The following DGAT2L6 variants were observed in gnomAD, a reference collection of about 807,000 sequenced individuals.
The protein encoded by DGAT2L6 is diacylglycerol O-acyltransferase 2-like protein 6.
In DGAT2L6, 22 loss-of-function variants were observed where a neutral mutation model predicts 25.5. The ratio of observed to expected loss-of-function variants is 0.86; its 90% confidence interval spans 0.62 to 1.23. The LOEUF (loss-of-function observed/expected upper bound fraction) is 1.23. DGAT2L6 is among the 50% of genes most tolerant of loss of function. The pLI is 0.00. For missense variants in DGAT2L6, 287 were observed against 253.2 expected, an observed-to-expected ratio of 1.13 and a Z score of -0.91; for synonymous variants, 100 against 94.7, an observed-to-expected ratio of 1.06 and a Z score of -0.32.
At chrX:70,177,751 G>C in intron 1 of DGAT2L6, 84 bp downstream of exon 1, 1 of 840,933 alleles carries the variant, frequency 1.2e-6, no homozygotes, top group South Asian at 2.3e-5. Context: ...GTTCCAAAGA[G>C]ATCATCTGGG....
rs1255849459 is a variant in DGAT2L6 at position 70,204,221 on chromosome X, A to G, written c.648-84A>G. 9.2e-6 allele frequency: 7 copies of G among 757,917 alleles called. No individual in the cohort carries two copies. The East Asian group carries it at 2.4e-4, about 26-fold the overall frequency. The allele number at this position is 757,917 out of a possible 1,213,427, so 62.5% of individuals were successfully genotyped here. ...CTTGGGTTCTTGTCCTATAATGGGG[A>G]GGTTGGAGAGGTTTCCCACCTTGGA... On this transcript the variant is annotated intron_variant, in intron 5 of 6. Transcript: ENST00000333026.
chrX:70,181,006 G>A (rs1220333956), intron 1 of DGAT2L6, among the ~76,000 whole-genome samples: 2 of 112,241 alleles, frequency 1.8e-5, no homozygotes, highest in Non-Finnish European at 3.8e-5. Context: ...ATGTTGCTAT[G>A]AACATAGATG....
chrX:70,199,957 A>G (rs1347519023), intron 3 of DGAT2L6, 75 bp downstream of exon 3: 1 of 1,041,633 alleles, frequency 9.6e-7, no homozygotes, highest in Non-Finnish European at 1.3e-6. Context: ...CCATGTTTTC[A>G]GAGGCTTTGG....
intron 1 of DGAT2L6, among the ~76,000 whole-genome samples, chrX:70,191,067 C>A (rs1053235777): frequency 8.9e-6 from 1 of 112,358 alleles, no homozygotes; most frequent in African/African-American, 3.2e-5. Context: ...GACTGATTTG[C>A]TCCTTCAAAT....
At chrX:70,196,011 T>C (rs1308341623) in intron 1 of DGAT2L6, among the ~76,000 whole-genome samples, 1 of 111,786 alleles carries the variant, frequency 8.9e-6, no homozygotes, top group Non-Finnish European at 1.9e-5. Flanking sequence ...TTGATTAATT[T>C]GATTGTTGTA....
chrX:70,187,733 C>T (rs970377660), intron 1 of DGAT2L6, among the ~76,000 whole-genome samples: 3 of 112,018 alleles, frequency 2.7e-5, no homozygotes, highest in African/African-American at 9.7e-5. Flanking sequence ...GGTAGTCATC[C>T]AGGTGAGAGA....
At chrX:70,184,787 C>A (rs764050631) in intron 1 of DGAT2L6, among the ~76,000 whole-genome samples, 12 of 110,922 alleles carry the variant, frequency 1.1e-4, no homozygotes, top group Admixed American at 3.8e-4. Flanking sequence ...GCATTCCCAG[C>A]ATTCCCACAT....
chrX:70,202,580 C>T (rs766655055), intron 5 of DGAT2L6, among the ~76,000 whole-genome samples: 2 of 112,184 alleles, frequency 1.8e-5, no homozygotes, highest in Non-Finnish European at 3.8e-5. Context: ...TGCAAACTCA[C>T]AGTCCAATAT....
chrX:70,201,802 C>T, intron 4 of DGAT2L6, 88 bp from the exon 5 acceptor site: 1 of 976,527 alleles, frequency 1.0e-6, no homozygotes, highest in Non-Finnish European at 1.4e-6. Flanking sequence ...AACAGAAGAA[C>T]TGTCTCCAAA....
chrX:70,197,558 T>C (rs2147608601), intron 1 of DGAT2L6, among the ~76,000 whole-genome samples: 1 of 112,338 alleles, frequency 8.9e-6, no homozygotes, highest in South Asian at 3.7e-4. Flanking sequence ...CTATACATGC[T>C]GACTAAATAG....
intron 1 of DGAT2L6, among the ~76,000 whole-genome samples, chrX:70,187,099 GA>G (rs1299744055): frequency 8.9e-6 from 1 of 111,887 alleles, no homozygotes; most frequent in Non-Finnish European, 1.9e-5. Context: ...GTCCAGACTA[GA>G]AAAAAATCAA....
chrX:70,180,444 T>C (rs1326050788), intron 1 of DGAT2L6, among the ~76,000 whole-genome samples: 2 of 109,900 alleles, frequency 1.8e-5, no homozygotes, highest in Non-Finnish European at 3.8e-5. Flanking sequence ...CAAGACTCTG[T>C]CTCAAACAAA....
chrX:70,202,957 A>G (rs1395348904), intron 5 of DGAT2L6, among the ~76,000 whole-genome samples: 1 of 111,584 alleles, frequency 9.0e-6, no homozygotes. Context: ...CTCTCACTCC[A>G]TCATAGCTAT....
At chrX:70,190,557 G>T (rs1247181922) in intron 1 of DGAT2L6, among the ~76,000 whole-genome samples, 1 of 111,786 alleles carries the variant, frequency 8.9e-6, no homozygotes, top group Non-Finnish European at 1.9e-5. Context: ...TCATGATTCT[G>T]CCACCAAAAT....
intron 1 of DGAT2L6, among the ~76,000 whole-genome samples, chrX:70,194,053 G>A (rs1398661141): frequency 3.6e-5 from 4 of 111,736 alleles, no homozygotes; most frequent in Non-Finnish European, 7.5e-5. Context: ...TAAAGTGTCA[G>A]GATATAAAAT....
chrX:70,191,781 A>G, intron 1 of DGAT2L6, among the ~76,000 whole-genome samples: 1 of 112,275 alleles, frequency 8.9e-6, no homozygotes, highest in Middle Eastern at 4.6e-3. Flanking sequence ...AAGCATTAAG[A>G]GAAAAGAGTC....
intron 1 of DGAT2L6, 73 bp downstream of exon 1, chrX:70,177,740 G>T: frequency 2.1e-6 from 2 of 948,213 alleles, no homozygotes; most frequent in Admixed American, 4.7e-5. Flanking sequence ...AGATGAGGAG[G>T]GTTCCAAAGA....
At chrX:70,183,087 C>T (rs1375526031) in intron 1 of DGAT2L6, among the ~76,000 whole-genome samples, 1 of 112,663 alleles carries the variant, frequency 8.9e-6, no homozygotes, top group Non-Finnish European at 1.9e-5. Context: ...GCCACCGCCT[C>T]AAAAGCATAT....
chrX:70,191,480 GA>G (rs961466358), intron 1 of DGAT2L6, among the ~76,000 whole-genome samples: 2 of 109,923 alleles, frequency 1.8e-5, no homozygotes, highest in Admixed American at 9.7e-5. Flanking sequence ...AACAAAAAAA[GA>G]AAAAAAATGA....
Sources: gnomAD v4.1 joint callset for allele counts (sites outside exome capture counted in the v4.1 genomes callset) on GRCh38, gnomAD v4.1.1 for gene constraint, MANE v1.5 for transcripts, NCBI Gene and HGNC (gene_info 2026-07-23, HGNC 2026-07-21) for gene names.